Variants in MMS22L observed in about 807,000 individuals in gnomAD.
MMS22L encodes the protein protein MMS22-like.
Under a neutral mutation model 159.1 loss-of-function variants are expected in MMS22L, and 74 were observed. The ratio of observed to expected loss-of-function variants is 0.47; its 90% CI spans 0.39 to 0.56. The LOEUF (loss-of-function observed/expected upper bound fraction) is 0.56. Among genes scored for constraint, MMS22L ranks in the 20% least tolerant of loss-of-function variants. The pLI is 0.00. For synonymous variants in MMS22L, 517 were observed against 506.9 expected (o/e 1.02, Z -0.27); for missense variants, 1,351 against 1,422.1 (o/e 0.95, Z 0.80).
chr6:97,171,792 C>T (rs1241271954), intron 19 of MMS22L, among the ~76,000 whole-genome samples: 1 of 152,124 alleles, frequency 6.6e-6, no homozygotes, highest in African/African-American at 2.4e-5. Flanking sequence ...GCTATCCCAA[C>T]CCCAACACAT....
chr6:97,206,404 C>CAA (rs1807791308), intron 14 of MMS22L, among the ~76,000 whole-genome samples: 1 of 150,616 alleles, frequency 6.6e-6, no homozygotes, highest in African/African-American at 2.4e-5. Flanking sequence ...CACACACACA[C>CAA]ACACACTAGA....
In MMS22L at chr6:97,182,120, C is replaced by T. The variant is rs1281411965; in HGVS notation, c.2234-66G>A. ...AAAAACCATTTCTGACCCACACACCCCTGGCCAATTATAACAAGTGTTTTT... is the reference window on the plus strand; with the variant it reads ...AAAAACCATTTCTGACCCACACACCTCTGGCCAATTATAACAAGTGTTTTT... On this transcript the variant is annotated intron_variant, in intron 15 of 24. Coordinates refer to ENST00000683635, the MANE Select transcript of MMS22L (RefSeq NM_001350599.2). 1.3e-5 allele frequency: 17 copies of T among 1,327,272 alleles called. 1 individual carries two copies. In the South Asian group the frequency reaches 1.9e-4, roughly 14 times the overall value. 82.2% of individuals were successfully genotyped at this position (1,327,272 alleles called of 1,614,324 possible).
intron 14 of MMS22L, among the ~76,000 whole-genome samples, chr6:97,189,580 G>C (rs187136398): frequency 8.3e-5 from 5 of 60,182 alleles, no homozygotes; most frequent in Admixed American, 7.0e-4. Flanking sequence ...AAAAAAAAAA[G>C]AATAATTAAT....
intron 14 of MMS22L, among the ~76,000 whole-genome samples, chr6:97,199,964 T>TTATAAACAC (rs1806967275): frequency 6.6e-6 from 1 of 152,042 alleles, no homozygotes; most frequent in Non-Finnish European, 1.5e-5. Context: ...TTCTACCACT[T>TTATAAACAC]TATAAACACT....
rs1471723880 is a variant in MMS22L, at chr6:97,143,858, AG to A, written c.*2947del. On this transcript the variant is annotated 3_prime_UTR_variant, in exon 25 of 25. Coordinates refer to ENST00000683635, the MANE Select transcript of MMS22L (RefSeq NM_001350599.2). ...GTAATCCCAGCACTTTGGGAGGCCGAGGCGGGCGGATCATGAGGTCAGGAGA... is the reference window on the plus strand; with the variant it reads ...GTAATCCCAGCACTTTGGGAGGCCGAGCGGGCGGATCATGAGGTCAGGAGA... The A allele has an allele frequency of 6.6e-6, 1 of 152,360 alleles. No homozygotes were observed. Among genetic ancestry groups the A allele is most frequent in the Non-Finnish European group, 1.5e-5 (1 of 68,286 alleles). 9.4% of individuals were successfully genotyped at this position (152,360 alleles called of 1,614,324 possible). A position where few individuals can be genotyped will look rare whatever the true frequency, so the allele number is the denominator to read the frequency against.
At chr6:97,268,379 G>A (rs1375500601) in intron 7 of MMS22L, among the ~76,000 whole-genome samples, 6 of 151,704 alleles carry the variant, frequency 4.0e-5, no homozygotes, top group Admixed American at 1.3e-4. Context: ...TAGTAGAGAC[G>A]GGGTTTCACC....
chr6:97,180,675 A>C lies in MMS22L; in HGVS notation c.2385-1116T>G, dbSNP rs559868057. Among the ~76,000 whole-genome samples the C allele has an allele frequency of 3.3e-5, 5 of 152,330 alleles. No individual in the cohort carries two copies. In the South Asian group the frequency reaches 8.3e-4, roughly 25 times the overall value. On this transcript the variant is annotated intron_variant, in intron 16 of 24. Transcript: ENST00000683635. Reference sequence around the variant, plus strand: ...TTCAAATGTTACTAATACGCTAACAATATCATTTTTTAAGTAGAAATTATT... The same window carrying C: ...TTCAAATGTTACTAATACGCTAACACTATCATTTTTTAAGTAGAAATTATT...
rs1810983762 is a variant in MMS22L, at chr6:97,232,593, G to T, written c.1303-941C>A. Among the ~76,000 whole-genome samples, 7 of 151,796 alleles carry T rather than the reference G, an allele frequency of 4.6e-5. No homozygotes were observed. The South Asian group carries it at 1.2e-3, about 27-fold the overall frequency. ...GGGCAATGGACATTCCTTCAGGTTGGCTCCTGTGTTCTTCTGACATGACTC... is the reference window on the plus strand; with the variant it reads ...GGGCAATGGACATTCCTTCAGGTTGTCTCCTGTGTTCTTCTGACATGACTC... On this transcript the variant is annotated intron_variant, in intron 12 of 24. Transcript: ENST00000683635.
rs1482350814 is a variant in MMS22L at position 97,272,690 on chromosome 6, G to T, written c.606+14C>A. 1.9e-6 allele frequency: 3 copies of T among 1,590,946 alleles called. No homozygotes were observed. In the South Asian group the frequency reaches 3.4e-5, roughly 18 times the overall value. The stretch of plus-strand genomic sequence containing the variant: ...AAAGCTGATAATTTAAAAATCAAAT[G>T]AAACAAGTCAAACCTTAATCTGGTT... On this transcript the variant is annotated intron_variant, in intron 6 of 24. Transcript: ENST00000683635.
At chr6:97,184,983 C>G (rs2128278860) in intron 15 of MMS22L, among the ~76,000 whole-genome samples, 1 of 152,276 alleles carries the variant, frequency 6.6e-6, no homozygotes, top group Middle Eastern at 3.4e-3. Flanking sequence ...TCCACATGAG[C>G]CTTTGCTGCT....
intron 18 of MMS22L, among the ~76,000 whole-genome samples, chr6:97,175,613 G>C (rs1361220366): frequency 6.6e-6 from 1 of 152,108 alleles, no homozygotes; most frequent in Non-Finnish European, 1.5e-5. Flanking sequence ...GGAAAATTGT[G>C]GTTCACTGAG....
At chr6:97,177,418 A>AT (rs1804236773) in intron 18 of MMS22L, among the ~76,000 whole-genome samples, 1 of 152,110 alleles carries the variant, frequency 6.6e-6, no homozygotes. Context: ...ACTTCTTTTG[A>AT]TTTTTCAAAT....
Position 97,186,571 on chromosome 6 carries a change from T to C in MMS22L, c.2159A>G (p.His720Arg). The change falls in exon 15 of 25, where the codon CAT (histidine) becomes CGT (arginine). Residue 720 changes from histidine (H) to arginine (R), a missense_variant. By Grantham distance (29) the His-to-Arg change is conservative. Transcript: ENST00000683635. ...LAAVASALWR[H>R]FFSFLKSQRM... ...CTGACTCTTCAAAAATGAAAAGAAATGTCTCCACAGTGCACTGGCAACTGC... is the reference window on the plus strand; with the variant it reads ...CTGACTCTTCAAAAATGAAAAGAAACGTCTCCACAGTGCACTGGCAACTGC... 1 of 1,613,064 alleles carries C rather than the reference T, an allele frequency of 6.2e-7. No individual in the cohort carries two copies. The highest frequency in any genetic ancestry group is 8.5e-7 in the Non-Finnish European group (1 of 1,179,554).
intron 3 of MMS22L, among the ~76,000 whole-genome samples, chr6:97,279,565 A>G (rs1816563748): frequency 6.6e-6 from 1 of 151,870 alleles, no homozygotes. Context: ...CAGGTGGAAC[A>G]CCTGAGGTCA....
At chr6:97,166,991 C>A (rs1190020703) in intron 20 of MMS22L, among the ~76,000 whole-genome samples, 1 of 152,116 alleles carries the variant, frequency 6.6e-6, no homozygotes, top group Admixed American at 6.6e-5. Flanking sequence ...TTAAGAAATA[C>A]ATCTTTGAAA....
chr6:97,280,602 C>T (rs1395201786), intron 3 of MMS22L, among the ~76,000 whole-genome samples: 2 of 152,138 alleles, frequency 1.3e-5, no homozygotes, highest in Non-Finnish European at 2.9e-5. Flanking sequence ...GCATGAGCCA[C>T]CGCGCCTGGC....
chr6:97,257,469 G>T lies in MMS22L; in HGVS notation c.943-2736C>A, dbSNP rs187277558. On this transcript the variant is annotated intron_variant, in intron 9 of 24. Transcript: ENST00000683635. Reference sequence around the variant, plus strand: ...ATTACACATTTTATTCTTTTTTTGTGGGGGGAGAGGGTCTCACTCTGTTGC... The same window carrying T: ...ATTACACATTTTATTCTTTTTTTGTTGGGGGAGAGGGTCTCACTCTGTTGC... 3.3e-5 allele frequency among the ~76,000 whole-genome samples: 5 copies of T among 151,798 alleles called. 1 individual carries two copies. The South Asian group carries it at 1.0e-3, about 32-fold the overall frequency.
chr6:97,236,942 C>T (rs981520345), intron 11 of MMS22L, among the ~76,000 whole-genome samples: 2 of 148,560 alleles, frequency 1.3e-5, no homozygotes, highest in African/African-American at 5.0e-5. Flanking sequence ...CAGAGCGAGA[C>T]TCCGCCTCAG....
intron 18 of MMS22L, among the ~76,000 whole-genome samples, chr6:97,177,559 A>G (rs1335977403): frequency 1.3e-5 from 2 of 152,140 alleles, no homozygotes; most frequent in Non-Finnish European, 2.9e-5. Flanking sequence ...TCTATTTCTG[A>G]TCCATTATAG....
Sources: allele counts gnomAD v4.1 joint callset (sites outside exome capture counted in the v4.1 genomes callset), GRCh38; gene constraint gnomAD v4.1.1; transcripts MANE v1.5; gene names NCBI Gene and HGNC (gene_info 2026-07-23, HGNC 2026-07-21).